ANGPT1: variants seen among roughly 807,000 people sequenced by gnomAD.
The protein encoded by ANGPT1 is angiopoietin-1.
In ANGPT1, 17 loss-of-function variants were observed where a neutral mutation model predicts 62.2. That is an observed-to-expected ratio of 0.27 (90% CI 0.19 to 0.41). The LOEUF is 0.41. Among genes scored for constraint, ANGPT1 ranks in the 10% least tolerant of loss-of-function variants. ANGPT1 has a pLI of 1.00. For missense variants in ANGPT1, 478 were observed against 594.9 expected, an observed-to-expected ratio of 0.80 and a Z score of 2.04; for synonymous variants, 199 against 198.9, an observed-to-expected ratio of 1.00 and a Z score of 0.00.
chr8:107,308,672 CTT>C (rs1205306097), intron 4 of ANGPT1, among the ~76,000 whole-genome samples: 2 of 152,174 alleles, frequency 1.3e-5, no homozygotes, highest in African/African-American at 4.8e-5. Context: ...AGTTCAAAGA[CTT>C]TGCCCACACC....
chr8:107,314,769 C>T (rs918558682), intron 4 of ANGPT1, among the ~76,000 whole-genome samples: 7 of 152,128 alleles, frequency 4.6e-5, no homozygotes, highest in South Asian at 4.1e-4. Context: ...AAATTGTGCA[C>T]TACAAGTAGT....
intron 1 of ANGPT1, among the ~76,000 whole-genome samples, chr8:107,439,328 A>T (rs1457080180): frequency 1.3e-5 from 2 of 152,252 alleles, no homozygotes; most frequent in Non-Finnish European, 2.9e-5. Context: ...AACGGAGATA[A>T]TAACTGTATT....
At chr8:107,444,516 A>G (rs140937560) in intron 1 of ANGPT1, among the ~76,000 whole-genome samples, 2 of 152,220 alleles carry the variant, frequency 1.3e-5, no homozygotes, top group East Asian at 3.9e-4. Flanking sequence ...AAACAAAACC[A>G]CTCTGTAAAT....
intron 1 of ANGPT1, among the ~76,000 whole-genome samples, chr8:107,474,938 C>T (rs537725587): frequency 6.6e-6 from 1 of 152,096 alleles, no homozygotes; most frequent in Admixed American, 6.6e-5. Flanking sequence ...TAAAAGAGGA[C>T]ACAAACAAAT....
intron 1 of ANGPT1, among the ~76,000 whole-genome samples, chr8:107,348,999 T>C (rs1270412696): frequency 6.6e-6 from 1 of 152,154 alleles, no homozygotes; most frequent in Non-Finnish European, 1.5e-5. Context: ...AATAACTTTG[T>C]TTTCCTCTGT....
chr8:107,333,319 T>C (rs1341092812), intron 3 of ANGPT1, among the ~76,000 whole-genome samples: 1 of 151,768 alleles, frequency 6.6e-6, no homozygotes, highest in Non-Finnish European at 1.5e-5. Flanking sequence ...GATAGAAAAA[T>C]ACCCCAGAAC....
chr8:107,278,749 C>T (rs1387479988), intron 7 of ANGPT1, among the ~76,000 whole-genome samples: 3 of 152,170 alleles, frequency 2.0e-5, no homozygotes, highest in African/African-American at 7.2e-5. Flanking sequence ...GGCAACAGCT[C>T]CAGACCCACC....
intron 1 of ANGPT1, among the ~76,000 whole-genome samples, chr8:107,407,170 TAAATG>T (rs941235279): frequency 2.0e-5 from 3 of 152,134 alleles, no homozygotes; most frequent in Non-Finnish European, 4.4e-5. Flanking sequence ...GGATTTTATT[TAAATG>T]AATGAGATTG....
intron 7 of ANGPT1, among the ~76,000 whole-genome samples, chr8:107,269,597 T>C (rs947745540): frequency 1.3e-5 from 2 of 152,052 alleles, no homozygotes; most frequent in African/African-American, 4.8e-5. Context: ...GTTATTTATT[T>C]CTTGTGTTCA....
chr8:107,497,115 A>G (rs1263881514), intron 1 of ANGPT1, 147 bp downstream of exon 1: 3 of 966,354 alleles, frequency 3.1e-6, no homozygotes, highest in Non-Finnish European at 4.5e-6. Context: ...AGGAAGCCAA[A>G]CCCAGACAGC....
intron 7 of ANGPT1, among the ~76,000 whole-genome samples, chr8:107,282,838 G>A (rs1814048671): frequency 6.6e-6 from 1 of 151,604 alleles, no homozygotes; most frequent in African/African-American, 2.4e-5. Context: ...AAGGGCAGTG[G>A]GGCACTCTAA....
chr8:107,375,179 A>G (rs1586269271), intron 1 of ANGPT1, among the ~76,000 whole-genome samples: 1 of 131,028 alleles, frequency 7.6e-6, no homozygotes, highest in Non-Finnish European at 1.7e-5. Flanking sequence ...ACAAACAAAC[A>G]AACGAAAAAA....
intron 1 of ANGPT1, among the ~76,000 whole-genome samples, chr8:107,457,144 T>C (rs561276009): frequency 1.8e-4 from 28 of 152,196 alleles, no homozygotes; most frequent in Non-Finnish European, 3.5e-4. Context: ...ATTTATGACA[T>C]ATTTTTCTTT....
intron 1 of ANGPT1, among the ~76,000 whole-genome samples, chr8:107,439,938 G>T (rs1490911108): frequency 6.6e-6 from 1 of 152,164 alleles, no homozygotes; most frequent in Non-Finnish European, 1.5e-5. Context: ...GTCTGGACAT[G>T]GTGGGTAATT....
chr8:107,384,296 G>A (rs578191142), intron 1 of ANGPT1, among the ~76,000 whole-genome samples: 10 of 152,120 alleles, frequency 6.6e-5, no homozygotes, highest in African/African-American at 2.2e-4. Context: ...ACAGGATTAA[G>A]AACCTCTAAG....
chr8:107,294,672 C>T (rs1473756456), intron 5 of ANGPT1: 1 of 152,130 alleles, frequency 6.6e-6, no homozygotes, highest in Non-Finnish European at 1.5e-5. Context: ...CATATTGTAT[C>T]TCTTCTGACT....
At chr8:107,339,923 C>T (rs146547213) in intron 2 of ANGPT1, among the ~76,000 whole-genome samples, 1 of 152,302 alleles carries the variant, frequency 6.6e-6, no homozygotes, top group East Asian at 1.9e-4. Flanking sequence ...GAAGTCCAGG[C>T]TAAATGCCGA....
chr8:107,395,791 G>A (rs1211222249), intron 1 of ANGPT1, among the ~76,000 whole-genome samples: 2 of 152,092 alleles, frequency 1.3e-5, no homozygotes, highest in African/African-American at 4.8e-5. Flanking sequence ...AAAATCATTA[G>A]TTCTCAGGAG....
At chr8:107,421,037 A>G (rs981316879) in intron 1 of ANGPT1, among the ~76,000 whole-genome samples, 7 of 152,120 alleles carry the variant, frequency 4.6e-5, no homozygotes, top group African/African-American at 1.4e-4. Context: ...TAATTCTTCT[A>G]TTTGGAATTT....
Sources: gnomAD v4.1 joint callset for allele counts (sites outside exome capture counted in the v4.1 genomes callset) on GRCh38, gnomAD v4.1.1 for gene constraint, MANE v1.5 for transcripts, NCBI Gene and HGNC (gene_info 2026-07-23, HGNC 2026-07-21) for gene names.